The following ATXN7L1 variants were observed in gnomAD, a reference collection of about 807,000 sequenced individuals.
The protein encoded by ATXN7L1 is ataxin-7-like protein 1.
In ATXN7L1, 15 loss-of-function variants were observed where a neutral mutation model predicts 70.8. The observed-to-expected ratio is 0.21, with a 90% CI of 0.14 to 0.33. The LOEUF is 0.33. Among genes scored for constraint, ATXN7L1 ranks in the 10% least tolerant of loss-of-function variants. ATXN7L1 has a pLI of 1.00. For synonymous variants in ATXN7L1, 440 were observed against 445.1 expected (o/e 0.99, Z 0.14); for missense variants, 975 against 1,097.1 (o/e 0.89, Z 1.57).
At chr7:105,749,966 T>C (rs1343644686) in intron 3 of ATXN7L1, among the ~76,000 whole-genome samples, 1 of 151,952 alleles carries the variant, frequency 6.6e-6, no homozygotes, top group Non-Finnish European at 1.5e-5. Flanking sequence ...TCCTGCACTA[T>C]GCACCTGCAC....
intron 3 of ATXN7L1, among the ~76,000 whole-genome samples, chr7:105,713,098 G>T (rs532462886): frequency 1.8e-4 from 27 of 152,338 alleles, no homozygotes; most frequent in African/African-American, 6.5e-4. Flanking sequence ...CAGAGCAGGA[G>T]AGAGAGTGAT....
intron 2 of ATXN7L1, among the ~76,000 whole-genome samples, chr7:105,805,211 G>C (rs1164534817): frequency 1.3e-5 from 2 of 152,260 alleles, no homozygotes. Context: ...AAGTGTGCTA[G>C]AGGAGGGAGC....
chr7:105,616,127 G>A (rs1249397494), intron 9 of ATXN7L1, among the ~76,000 whole-genome samples: 3 of 152,226 alleles, frequency 2.0e-5, no homozygotes, highest in Non-Finnish European at 4.4e-5. Flanking sequence ...TGTAGCTGGG[G>A]CTCACTAGCG....
intron 3 of ATXN7L1, among the ~76,000 whole-genome samples, chr7:105,725,661 A>T (rs1584842751): frequency 1.3e-5 from 2 of 150,858 alleles, no homozygotes; most frequent in African/African-American, 4.9e-5. Context: ...GCTCACTGCA[A>T]CCTCCCCCTC....
intron 3 of ATXN7L1, among the ~76,000 whole-genome samples, chr7:105,774,353 C>CTTT (rs34037396): frequency 2.7e-4 from 36 of 135,392 alleles, no homozygotes; most frequent in African/African-American, 8.4e-4. Context: ...GCCAGCAACC[C>CTTT]TTTTTTTTTT....
In ATXN7L1 at chr7:105,838,892, C is replaced by T. The variant is rs143634512; in HGVS notation, c.250+36920G>A. The stretch of plus-strand genomic sequence containing the variant: ...CACACCTCTACTTCCTTTTCACTCA[C>T]GAGAAAGACTCTAGGAACCTCAGTC... On this transcript the variant is annotated intron_variant, in intron 2 of 11. Coordinates refer to ENST00000419735, the MANE Select transcript of ATXN7L1 (RefSeq NM_020725.2). Among the ~76,000 whole-genome samples, 6 of 152,282 alleles carry T rather than the reference C, an allele frequency of 3.9e-5. No homozygotes were observed. In the East Asian group the frequency reaches 7.7e-4, roughly 20 times the overall value.
intron 3 of ATXN7L1, among the ~76,000 whole-genome samples, chr7:105,665,690 G>A (rs1802502084): frequency 6.6e-6 from 1 of 152,214 alleles, no homozygotes; most frequent in Non-Finnish European, 1.5e-5. Context: ...GCAGTGGACA[G>A]GGCAGGACTC....
intron 4 of ATXN7L1, among the ~76,000 whole-genome samples, chr7:105,645,810 C>CACAAACAAACAA (rs58661590): frequency 2.1e-5 from 3 of 143,380 alleles, no homozygotes; most frequent in South Asian, 2.3e-4. Context: ...GAGACGCCAC[C>CACAAACAAACAA]ACAAACAAAC....
chr7:105,628,595 C>T (rs1687472707), intron 7 of ATXN7L1, among the ~76,000 whole-genome samples: 1 of 151,712 alleles, frequency 6.6e-6, no homozygotes, highest in Admixed American at 6.6e-5. Flanking sequence ...CGAGACCATC[C>T]TGGCTAACAC....
chr7:105,785,810 C>A (rs1402379600), intron 3 of ATXN7L1, among the ~76,000 whole-genome samples: 2 of 152,198 alleles, frequency 1.3e-5, no homozygotes, highest in Non-Finnish European at 2.9e-5. Context: ...CAGTGAGAAG[C>A]TGGAAGTCTG....
At chr7:105,718,662 G>A (rs929844944) in intron 3 of ATXN7L1, among the ~76,000 whole-genome samples, 6 of 152,212 alleles carry the variant, frequency 3.9e-5, no homozygotes, top group African/African-American at 1.2e-4. Context: ...GGTTGGAAGG[G>A]TGACAACTGA....
intron 2 of ATXN7L1, among the ~76,000 whole-genome samples, chr7:105,868,484 A>G (rs1161538613): frequency 6.6e-6 from 1 of 152,240 alleles, no homozygotes; most frequent in Non-Finnish European, 1.5e-5. Flanking sequence ...CCTACTATGC[A>G]GGCACCAAAA....
In ATXN7L1 at chr7:105,774,872, G is replaced by T. The variant is rs180819103; in HGVS notation, c.355+13732C>A. 1.5e-3 allele frequency among the ~76,000 whole-genome samples: 225 copies of T among 152,198 alleles called. 1 individual carries two copies. Among genetic ancestry groups the T allele is most frequent in the East Asian group, 3.9e-4 (2 of 5,172 alleles). ...TTAGGAAAATGCACCCCTAGAGAAG[G>T]CTTCGGAATTTGAGAAAATAATTCA... is the stretch of plus-strand genomic sequence containing the variant. On this transcript the variant is annotated intron_variant, in intron 3 of 11. Transcript: ENST00000419735.
intron 2 of ATXN7L1, among the ~76,000 whole-genome samples, chr7:105,808,653 T>C (rs549580815): frequency 5.9e-5 from 9 of 152,310 alleles, no homozygotes; most frequent in African/African-American, 2.2e-4. Flanking sequence ...AGGATGTCAC[T>C]TTGCCCAAGC....
chr7:105,701,074 A>G (rs1020635825), intron 3 of ATXN7L1, among the ~76,000 whole-genome samples: 7 of 152,222 alleles, frequency 4.6e-5, no homozygotes, highest in Non-Finnish European at 7.3e-5. Flanking sequence ...ACATTAATAT[A>G]TGAAATTGCA....
intron 3 of ATXN7L1, among the ~76,000 whole-genome samples, chr7:105,745,282 A>G (rs568402371): frequency 2.0e-5 from 3 of 152,226 alleles, no homozygotes; most frequent in African/African-American, 7.2e-5. Context: ...ACATATATAT[A>G]GGGGAGGGGG....
intron 3 of ATXN7L1, among the ~76,000 whole-genome samples, chr7:105,736,483 T>C (rs1200390729): frequency 1.3e-5 from 2 of 152,176 alleles, no homozygotes; most frequent in Admixed American, 1.3e-4. Flanking sequence ...AGGTCTCTGG[T>C]CTCTGAAGCT....
At chr7:105,738,275 G>A (rs1659256961) in intron 3 of ATXN7L1, among the ~76,000 whole-genome samples, 1 of 152,196 alleles carries the variant, frequency 6.6e-6, no homozygotes, top group African/African-American at 2.4e-5. Context: ...CACTACTGCT[G>A]TGTCAGTTGA....
At chr7:105,848,597 A>G (rs1814412304) in intron 2 of ATXN7L1, among the ~76,000 whole-genome samples, 1 of 152,252 alleles carries the variant, frequency 6.6e-6, no homozygotes, top group Non-Finnish European at 1.5e-5. Context: ...ATACAAAATT[A>G]TCCCATTTTT....
Sources: gnomAD v4.1 joint callset for allele counts (sites outside exome capture counted in the v4.1 genomes callset) on GRCh38, gnomAD v4.1.1 for gene constraint, MANE v1.5 for transcripts, NCBI Gene and HGNC (gene_info 2026-07-23, HGNC 2026-07-21) for gene names.